ZNF385D: variants seen among roughly 807,000 people sequenced by gnomAD.
The protein encoded by ZNF385D is zinc finger protein 385D, also known as zinc finger protein 659.
Under a neutral mutation model 35.8 loss-of-function variants are expected in ZNF385D, and 15 were observed. The observed-to-expected ratio is 0.42, with a 90% confidence interval of 0.28 to 0.64. The LOEUF is 0.64. ZNF385D is among the 30% of genes least tolerant of loss of function. ZNF385D has a pLI of 0.23. For synonymous variants in ZNF385D, 212 were observed against 186.8 expected, an observed-to-expected ratio of 1.13 and a Z score of -1.10; for missense variants, 474 against 494.6, an observed-to-expected ratio of 0.96 and a Z score of 0.39.
At chr3:21,449,138 A>G (rs901215116) in intron 4 of ZNF385D, among the ~76,000 whole-genome samples, 2 of 152,146 alleles carry the variant, frequency 1.3e-5, no homozygotes, top group African/African-American at 4.8e-5. Flanking sequence ...TTTTTAATTC[A>G]ATACTTTAAA....
chr3:22,201,016 G>A (rs888475607), intron 2 of ZNF385D, among the ~76,000 whole-genome samples: 3 of 151,902 alleles, frequency 2.0e-5, no homozygotes, highest in African/African-American at 7.3e-5. Context: ...ATTATTACAG[G>A]GTCCTGAGGT....
Position 21,853,180 on chromosome 3 carries a change from G to C in ZNF385D, c.326-188152C>G, listed in dbSNP as rs1037170529. 5.3e-5 allele frequency among the ~76,000 whole-genome samples: 8 copies of C among 151,864 alleles called. No individual in the cohort carries two copies. In the South Asian group the frequency reaches 1.5e-3, roughly 28 times the overall value. ...AACAGCAAATATACATTAAAATCAA[G>C]TGTGATTGGTGTTATATATTCTTAC... On this transcript the variant is annotated intron_variant, in intron 3 of 5. Coordinates refer to the ZNF385D transcript ENST00000494108.
At chr3:21,731,934 G>A (rs946360982) in intron 1 of ZNF385D, among the ~76,000 whole-genome samples, 7 of 147,446 alleles carry the variant, frequency 4.7e-5, no homozygotes, top group Admixed American at 2.0e-4. Flanking sequence ...ATATACCACA[G>A]TAAATCCATT....
intron 3 of ZNF385D, among the ~76,000 whole-genome samples, chr3:21,814,718 C>T (rs959701072): frequency 6.6e-6 from 1 of 152,092 alleles, no homozygotes; most frequent in Non-Finnish European, 1.5e-5. Flanking sequence ...ACTTAGACTC[C>T]CACAAAATAA....
chr3:22,273,517 T>G (rs970033024), intron 2 of ZNF385D, among the ~76,000 whole-genome samples: 1 of 151,874 alleles, frequency 6.6e-6, no homozygotes, highest in African/African-American at 2.4e-5. Context: ...GACACAAAAC[T>G]AGCCCTCATA....
intron 3 of ZNF385D, among the ~76,000 whole-genome samples, chr3:21,865,791 G>C (rs549977652): frequency 6.6e-6 from 1 of 152,136 alleles, no homozygotes; most frequent in East Asian, 1.9e-4. Context: ...ACCAGTAATT[G>C]ATCTAGTTAC....
At chr3:22,171,168 A>G (rs1430955622) in intron 2 of ZNF385D, among the ~76,000 whole-genome samples, 2 of 152,238 alleles carry the variant, frequency 1.3e-5, no homozygotes, top group Non-Finnish European at 1.5e-5. Context: ...TATTTCCTCC[A>G]GCGTGAACAG....
chr3:22,241,189 C>T (rs1699474187), intron 2 of ZNF385D, among the ~76,000 whole-genome samples: 1 of 151,114 alleles, frequency 6.6e-6, no homozygotes, highest in Admixed American at 6.6e-5. Context: ...TTTCTCCTTT[C>T]CCCAAAATAA....
intron 3 of ZNF385D, among the ~76,000 whole-genome samples, chr3:21,939,181 G>A (rs907403308): frequency 6.6e-6 from 1 of 152,180 alleles, no homozygotes; most frequent in Non-Finnish European, 1.5e-5. Flanking sequence ...TTTGCCCACT[G>A]AAATACCAAC....
intron 2 of ZNF385D, among the ~76,000 whole-genome samples, chr3:22,311,756 C>G (rs1375745972): frequency 6.6e-6 from 1 of 152,068 alleles, no homozygotes; most frequent in East Asian, 1.9e-4. Flanking sequence ...CGACACAAAT[C>G]TAGTACTTTT....
At chr3:22,198,893 T>C (rs982292668) in intron 2 of ZNF385D, among the ~76,000 whole-genome samples, 2 of 152,116 alleles carry the variant, frequency 1.3e-5, no homozygotes, top group African/African-American at 4.8e-5. Flanking sequence ...GTGATACACA[T>C]TAACTGAAGG....
At chr3:21,928,272 AG>A (rs1422610541) in intron 3 of ZNF385D, among the ~76,000 whole-genome samples, 2 of 139,374 alleles carry the variant, frequency 1.4e-5, no homozygotes, top group Non-Finnish European at 3.1e-5. Flanking sequence ...GAAGGAAGGA[AG>A]GAAGAGAGGA....
chr3:22,245,029 G>T (rs549361721), intron 2 of ZNF385D, among the ~76,000 whole-genome samples: 27 of 152,136 alleles, frequency 1.8e-4, no homozygotes, highest in African/African-American at 6.5e-4. Context: ...AGAGAAAGTA[G>T]AAAAATGACC....
chr3:21,888,627 T>TA (rs1299768110), intron 3 of ZNF385D, among the ~76,000 whole-genome samples: 2 of 152,064 alleles, frequency 1.3e-5, no homozygotes, highest in East Asian at 1.9e-4. Flanking sequence ...CAGGTCTAGT[T>TA]ACTTTTTCAG....
At chr3:21,457,587 C>T (rs1483229937) in intron 4 of ZNF385D, among the ~76,000 whole-genome samples, 1 of 152,144 alleles carries the variant, frequency 6.6e-6, no homozygotes, top group Non-Finnish European at 1.5e-5. Flanking sequence ...AACTCCTGAA[C>T]TCGTGATCCA....
chr3:22,207,178 C>T (rs1576496003), intron 2 of ZNF385D, among the ~76,000 whole-genome samples: 1 of 151,984 alleles, frequency 6.6e-6, no homozygotes, highest in East Asian at 1.9e-4. Flanking sequence ...TTTCTAGACA[C>T]ATACAACCTA....
rs1269243862 is a variant in ZNF385D, at chr3:22,037,590, T to C, written c.325+131227A>G. Among the ~76,000 whole-genome samples the C allele has an allele frequency of 8.5e-5, 13 of 152,278 alleles. No individual in the cohort carries two copies. The East Asian group carries it at 2.1e-3, about 25-fold the overall frequency. The stretch of plus-strand genomic sequence containing the variant: ...TTCTTGTAAATTTGTTGGAGTTCAT[T>C]GTAGATTCTGGATATTAGCCCTTTG... On this transcript the variant is annotated intron_variant, in intron 3 of 5. Transcript: ENST00000494108.
In ZNF385D at chr3:22,154,645, C is replaced by T. The variant is rs1258450815; in HGVS notation, c.325+14172G>A. On this transcript the variant is annotated intron_variant, in intron 3 of 5. Transcript: ENST00000494108. ...CATCTCTATGAATCTCTTTAATGTA[C>T]ATACCTTGCCTCTCTGGGGCTTCAT... 2.6e-5 allele frequency among the ~76,000 whole-genome samples: 4 copies of T among 152,146 alleles called. No individual in the cohort carries two copies. The East Asian group carries it at 7.7e-4, about 29-fold the overall frequency.
chr3:21,830,214 A>G (rs2670250), intron 3 of ZNF385D, among the ~76,000 whole-genome samples: 136,976 of 152,232 alleles, frequency 0.9, 61,832 homozygotes, highest in African/African-American at 0.95. Flanking sequence ...CTCTGTATTC[A>G]CCAAACTGAC....
Sources: gnomAD v4.1 joint callset for allele counts (sites outside exome capture counted in the v4.1 genomes callset) on GRCh38, gnomAD v4.1.1 for gene constraint, MANE v1.5 for transcripts, NCBI Gene and HGNC (gene_info 2026-07-23, HGNC 2026-07-21) for gene names.